Variants in INSR observed in about 807,000 individuals in gnomAD.
The protein encoded by INSR is IR.
In INSR, 67 loss-of-function variants were observed where a neutral mutation model predicts 142.6. The observed-to-expected ratio is 0.47, with a 90% CI of 0.39 to 0.58. The LOEUF (loss-of-function observed/expected upper bound fraction) is 0.58. INSR is among the 20% of genes least tolerant of loss of function. INSR has a pLI of 0.00. For missense variants in INSR, 1,248 were observed against 1,833.2 expected, an observed-to-expected ratio of 0.68 and a Z score of 5.83; for synonymous variants, 756 against 743.1, an observed-to-expected ratio of 1.02 and a Z score of -0.28.
At chr19:7,231,926 A>T (rs1174601969) in intron 2 of INSR, among the ~76,000 whole-genome samples, 1 of 151,864 alleles carries the variant, frequency 6.6e-6, no homozygotes, top group East Asian at 1.9e-4. Flanking sequence ...TTCTCAAACA[A>T]TACTCTTCTT....
chr19:7,226,428 A>C (rs986101005), intron 2 of INSR, among the ~76,000 whole-genome samples: 22 of 150,288 alleles, frequency 1.5e-4, no homozygotes, highest in African/African-American at 4.7e-4. Context: ...AAAAAAAAAA[A>C]AAAAACAACT....
rs1487480893 is a variant in INSR, at chr19:7,230,814, A to AT, written c.652+36530_652+36531insA. 7.3e-5 allele frequency among the ~76,000 whole-genome samples: 11 copies of AT among 151,722 alleles called. 1 individual carries two copies. The East Asian group carries it at 1.9e-3, about 27-fold the overall frequency. ...CAGTGAGACTCCATCTCAAAAATAA[A>AT]AAAAAAATAAAAAATATTAGCTCAA... On this transcript the variant is annotated intron_variant, in intron 2 of 21. Transcript: ENST00000302850.
At chr19:7,229,377 G>A (rs1414512849) in intron 2 of INSR, among the ~76,000 whole-genome samples, 1 of 151,720 alleles carries the variant, frequency 6.6e-6, no homozygotes, top group African/African-American at 2.4e-5. Flanking sequence ...TAGATGGATG[G>A]GCAGATGAGC....
Position 7,293,856 on chromosome 19 carries a change from C to T in INSR, c.36G>A (p.Ala12=), listed in dbSNP as rs1334445858. 7 of 1,248,764 alleles carry T rather than the reference C, an allele frequency of 5.6e-6. No individual in the cohort carries two copies. The highest frequency in any genetic ancestry group is 7.0e-6 in the Non-Finnish European group (7 of 1,003,230). The allele number at this position is 1,248,764 out of a possible 1,614,324, so 77.4% of individuals were successfully genotyped here. ...ATGGRRGAAA[A]PLLVAVAALL... is the part of the protein sequence containing the mutation. ...GCGCGGCCACCGCCACCAGCAGCGG[C>T]GCGGCCGCCGCCCCCCGCCGGCCCC... Residue 12 remains alanine (A), a synonymous_variant, in exon 1 of 22, where the codon GCG becomes GCA. Transcript: ENST00000302850.
In INSR at chr19:7,225,702, C is replaced by CA. The variant is rs202098387; in HGVS notation, c.653-41066_653-41065insT. Among the ~76,000 whole-genome samples the CA allele has an allele frequency of 8.5e-5, 11 of 129,886 alleles. No homozygotes were observed. Among genetic ancestry groups the CA allele is most frequent in the South Asian group, 2.7e-4 (1 of 3,662 alleles). 85.2% of individuals were successfully genotyped at this position (129,886 alleles called of 152,430 possible). On this transcript the variant is annotated intron_variant, in intron 2 of 21. Transcript: ENST00000302850. This position sits in a 1 kb window ranked among gnomAD's most constrained non-coding sequence, Gnocchi z 4.7. The stretch of plus-strand genomic sequence containing the variant: ...TGATGGGCTCTTGGTTTCCATTTCC[C>CA]CCCCCTCAAAAAAAGAGCAGAGAAT...
At chr19:7,181,173 T>G (rs1002695684) in intron 3 of INSR, among the ~76,000 whole-genome samples, 1 of 152,200 alleles carries the variant, frequency 6.6e-6, no homozygotes, top group African/African-American at 2.4e-5. Flanking sequence ...CTCGAACTCC[T>G]GACCTCAGGT....
At chr19:7,222,863 A>C (rs1464048281) in intron 2 of INSR, among the ~76,000 whole-genome samples, 1 of 152,174 alleles carries the variant, frequency 6.6e-6, no homozygotes, top group Non-Finnish European at 1.5e-5. Flanking sequence ...CTTGCAAAAA[A>C]GGCAAAGAGG....
At position 7,131,922 on chromosome 19, in the gene INSR, C is replaced by T. The variant is rs1037995291; in HGVS notation, c.2842+236G>A. The stretch of plus-strand genomic sequence containing the variant: ...CTGAGGTGGGAGAATCACTTGAACC[C>T]GGGAGGCGGAGGCTACAGTGAGCTG... On this transcript the variant is annotated intron_variant, in intron 14 of 21. Transcript: ENST00000302850. Among the ~76,000 whole-genome samples the T allele has an allele frequency of 5.3e-5, 8 of 151,230 alleles. No individual in the cohort carries two copies. In the East Asian group the frequency reaches 8.0e-4, roughly 15 times the overall value.
At chr19:7,264,069 T>C (rs549873349) in intron 2 of INSR, among the ~76,000 whole-genome samples, 1 of 151,406 alleles carries the variant, frequency 6.6e-6, no homozygotes, top group Non-Finnish European at 1.5e-5. Context: ...CTCGGGAGGC[T>C]GAGGCAGGAG....
At chr19:7,194,325 G>A (rs1466484074) in intron 2 of INSR, among the ~76,000 whole-genome samples, 1 of 151,876 alleles carries the variant, frequency 6.6e-6, no homozygotes, top group African/African-American at 2.4e-5. Flanking sequence ...GCTGAGGCAG[G>A]AGAATTGCTT....
rs1228919172 is a variant in INSR at position 7,184,599 on chromosome 19, C to T, written c.691G>A (p.Glu231Lys). Residue 231 changes from glutamate to lysine, a missense_variant, in exon 3 of 22, where the codon GAA becomes AAA. By Grantham distance (56) the Glu-to-Lys change is moderately conservative. Transcript: ENST00000302850. The stretch of plus-strand genomic sequence containing the variant: ...CACTCGCTGTGGCAACAGAGGCCTT[C>T]GGCGGTGCAGCCGTGTGACTTACAG... Reference protein sequence around the residue: ...TICKSHGCTAEGLCCHSECLG... With the variant: ...TICKSHGCTAKGLCCHSECLG... 8 of 1,612,074 alleles carry T rather than the reference C, an allele frequency of 5.0e-6. No individual in the cohort carries two copies. Among genetic ancestry groups the T allele is most frequent in the East Asian group, 2.2e-5 (1 of 44,842 alleles).
rs1974102157 is a variant in INSR, at chr19:7,174,875, C to T, written c.975-144G>A. The T allele has an allele frequency of 3.5e-6, 3 of 867,158 alleles. No individual in the cohort carries two copies. The South Asian group carries it at 4.9e-5, about 14-fold the overall frequency. The allele number at this position is 867,158 out of a possible 1,614,324, so 53.7% of individuals were successfully genotyped here. A position where few individuals can be genotyped will look rare whatever the true frequency, so the allele number is the denominator to read the frequency against. On this transcript the variant is annotated intron_variant, in intron 3 of 21. Transcript: ENST00000302850. ...TGTGTGTTTGTGTGACAGAGTCTCGCTCTGTTGCCCAGGCTGGAGTGCAGT... is the reference window on the plus strand; with the variant it reads ...TGTGTGTTTGTGTGACAGAGTCTCGTTCTGTTGCCCAGGCTGGAGTGCAGT...
chr19:7,239,228 C>G (rs540085773), intron 2 of INSR, among the ~76,000 whole-genome samples: 2 of 152,288 alleles, frequency 1.3e-5, no homozygotes, highest in East Asian at 3.9e-4. Flanking sequence ...GCATTTCCGA[C>G]ACTTCAATCC....
In INSR at chr19:7,168,043, A is replaced by G; in HGVS notation, c.1535T>C (p.Ile512Thr). Residue 512 changes from isoleucine to threonine, a missense_variant, in exon 7 of 22, where the codon ATC becomes ACC. Physicochemically the swap from Ile to Thr is moderately conservative, Grantham distance 89. Transcript: ENST00000302850. The surrounding 1 kb of genome is among the most constrained non-coding windows in gnomAD (Gnocchi z 4.3). ...CCAGTACGGCTCCCATCTCAGCAAGATCTTGTCAAAAGATGTCCGAATGTA... is the reference window on the plus strand; with the variant it reads ...CCAGTACGGCTCCCATCTCAGCAAGGTCTTGTCAAAAGATGTCCGAATGTA... ...FSYIRTSFDK[I>T]LLRWEPYWPP... 6.2e-7 allele frequency: 1 copy of G among 1,614,060 alleles called. No individual in the cohort carries two copies. The highest frequency in any genetic ancestry group is 8.5e-7 in the Non-Finnish European group (1 of 1,179,964).
At chr19:7,264,582 A>G (rs949216936) in intron 2 of INSR, among the ~76,000 whole-genome samples, 4 of 152,244 alleles carry the variant, frequency 2.6e-5, no homozygotes, top group Non-Finnish European at 5.9e-5. Context: ...TCCCAGCTAG[A>G]AGCAGCTCAC....
chr19:7,273,598 A>C (rs1257358527), intron 1 of INSR, among the ~76,000 whole-genome samples: 3 of 151,214 alleles, frequency 2.0e-5, no homozygotes, highest in Non-Finnish European at 4.4e-5. Context: ...GGCTTGCTGC[A>C]AACTCCACTT....
intron 13 of INSR, among the ~76,000 whole-genome samples, chr19:7,140,750 A>C (rs960311941): frequency 6.6e-6 from 1 of 152,064 alleles, no homozygotes; most frequent in African/African-American, 2.4e-5. Context: ...TCTACGAAAA[A>C]AATAAAATTA....
intron 11 of INSR, among the ~76,000 whole-genome samples, chr19:7,148,277 G>T (rs1973230273): frequency 6.6e-6 from 1 of 151,876 alleles, no homozygotes; most frequent in Non-Finnish European, 1.5e-5. Context: ...TCAACCAAGG[G>T]TCCTTCTGAC....
At chr19:7,290,137 G>A (rs1405054916) in intron 1 of INSR, among the ~76,000 whole-genome samples, 1 of 152,192 alleles carries the variant, frequency 6.6e-6, no homozygotes, top group Non-Finnish European at 1.5e-5. Context: ...AGACACCGTG[G>A]CTCATGCCTG....
Sources: gnomAD v4.1 joint callset for allele counts (sites outside exome capture counted in the v4.1 genomes callset) on GRCh38, gnomAD v4.1.1 for gene constraint, Gnocchi (gnomAD v3.1) non-coding constraint, MANE v1.5 for transcripts, NCBI Gene and HGNC (gene_info 2026-07-23, HGNC 2026-07-21) for gene names.